PALS1: variants seen among roughly 807,000 people sequenced by gnomAD.
PALS1 encodes protein PALS1.
Under a neutral mutation model 78.9 loss-of-function variants are expected in PALS1, and 31 were observed. The observed-to-expected ratio is 0.39, with a 90% CI of 0.30 to 0.53. PALS1 has a LOEUF of 0.53. Among genes scored for constraint, PALS1 ranks in the 20% least tolerant of loss-of-function variants. The pLI is 0.67. For missense variants in PALS1, 704 were observed against 826.5 expected, an observed-to-expected ratio of 0.85 and a Z score of 1.82; for synonymous variants, 276 against 270.9, an observed-to-expected ratio of 1.02 and a Z score of -0.18.
chr14:67,262,840 T>C (rs2084260821), intron 1 of PALS1, among the ~76,000 whole-genome samples: 1 of 152,138 alleles, frequency 6.6e-6, no homozygotes, highest in Admixed American at 6.5e-5. Context: ...CCATATATAT[T>C]CTTCATTATT....
rs982256497 is a variant in PALS1, at chr14:67,246,274, G to C, written c.-237+4741G>C. Among the ~76,000 whole-genome samples, 113 of 151,566 alleles carry C rather than the reference G, an allele frequency of 7.5e-4. 3 individuals carry two copies. Among genetic ancestry groups the C allele is most frequent in the Non-Finnish European group, 1.6e-4 (11 of 67,912 alleles). ...CTCCCAAGTAGCTGGGACCACAGGCGTGCCACCGCACTTGGCTGATTTTTA... is the reference window on the plus strand; with the variant it reads ...CTCCCAAGTAGCTGGGACCACAGGCCTGCCACCGCACTTGGCTGATTTTTA... On this transcript the variant is annotated intron_variant, in intron 1 of 14. Transcript: ENST00000261681.
chr14:67,324,259 A>G (rs2085313366), intron 14 of PALS1, among the ~76,000 whole-genome samples: 1 of 152,120 alleles, frequency 6.6e-6, no homozygotes, highest in Non-Finnish European at 1.5e-5. Context: ...TTTTTAAATT[A>G]TTTTAGATCT....
intron 12 of PALS1, 79 bp downstream of exon 12, chr14:67,320,476 T>G (rs1445099275): frequency 7.6e-7 from 1 of 1,313,302 alleles, no homozygotes; most frequent in Admixed American, 2.7e-5. Flanking sequence ...GTAGGGAAAT[T>G]TTTTATTCAT....
At chr14:67,306,117 ATG>A (rs1555338361) in intron 8 of PALS1, among the ~76,000 whole-genome samples, 61 of 152,216 alleles carry the variant, frequency 4.0e-4, no homozygotes, top group Non-Finnish European at 1.5e-4. Context: ...CTACAAGTGC[ATG>A]CCACCACATC....
intron 1 of PALS1, among the ~76,000 whole-genome samples, chr14:67,265,856 C>CAA (rs748481179): frequency 1.9e-3 from 144 of 75,408 alleles, no homozygotes; most frequent in African/African-American, 6.7e-3. Flanking sequence ...GACTCCATCT[C>CAA]AAAAAAAAAA....
At chr14:67,262,967 AC>A (rs2084262321) in intron 1 of PALS1, among the ~76,000 whole-genome samples, 1 of 152,180 alleles carries the variant, frequency 6.6e-6, no homozygotes, top group African/African-American at 2.4e-5. Flanking sequence ...TTTAAAAAAA[AC>A]TTTGCTAGCC....
chr14:67,299,658 A>G (rs2084904963), intron 4 of PALS1, among the ~76,000 whole-genome samples: 1 of 152,232 alleles, frequency 6.6e-6, no homozygotes, highest in Non-Finnish European at 1.5e-5. Flanking sequence ...CCGTTGTAGA[A>G]GTAGCTGATG....
chr14:67,286,089 A>G (rs563381330), intron 3 of PALS1, among the ~76,000 whole-genome samples: 7 of 152,358 alleles, frequency 4.6e-5, no homozygotes, highest in African/African-American at 1.7e-4. Flanking sequence ...TAAACTAGAT[A>G]TAAAGAAATT....
intron 3 of PALS1, among the ~76,000 whole-genome samples, chr14:67,285,893 G>A (rs1447205293): frequency 6.6e-6 from 1 of 152,118 alleles, no homozygotes; most frequent in Non-Finnish European, 1.5e-5. Flanking sequence ...GTGTATGTTT[G>A]TATTCATCTG....
At chr14:67,325,316 T>C (rs545864424) in intron 14 of PALS1, among the ~76,000 whole-genome samples, 70 of 152,310 alleles carry the variant, frequency 4.6e-4, no homozygotes, top group African/African-American at 1.6e-3. Flanking sequence ...AATCTATATG[T>C]GAGGTTAAGA....
intron 9 of PALS1, among the ~76,000 whole-genome samples, chr14:67,316,460 T>C (rs896611633): frequency 1.3e-5 from 2 of 152,180 alleles, no homozygotes; most frequent in African/African-American, 4.8e-5. Flanking sequence ...GAAAAGTTAA[T>C]TCCTAGAATT....
intron 3 of PALS1, among the ~76,000 whole-genome samples, chr14:67,280,757 C>T (rs1478572126): frequency 6.6e-6 from 1 of 150,760 alleles, no homozygotes; most frequent in Non-Finnish European, 1.5e-5. Context: ...CAGATTTGTT[C>T]CTCATTAAGT....
intron 11 of PALS1, among the ~76,000 whole-genome samples, chr14:67,319,749 G>C (rs2085233896): frequency 6.6e-6 from 1 of 152,220 alleles, no homozygotes. Context: ...TGAACTATAG[G>C]AAAGTATTCC....
At chr14:67,277,221 A>G (rs541232552) in intron 2 of PALS1, among the ~76,000 whole-genome samples, 2 of 152,316 alleles carry the variant, frequency 1.3e-5, no homozygotes, top group East Asian at 3.8e-4. Flanking sequence ...AAGGCAGTCT[A>G]ATGGTAAATA....
intron 1 of PALS1, among the ~76,000 whole-genome samples, chr14:67,245,078 C>T (rs2083968003): frequency 6.6e-6 from 1 of 152,124 alleles, no homozygotes; most frequent in Admixed American, 6.5e-5. Context: ...TGAAGAGGCT[C>T]CAGAAAAGAA....
chr14:67,261,221 G>C (rs745337811), intron 1 of PALS1, among the ~76,000 whole-genome samples: 1 of 152,090 alleles, frequency 6.6e-6, no homozygotes, highest in South Asian at 2.1e-4. Flanking sequence ...GGAGTGCTTC[G>C]GAAAGTTAAT....
At position 67,257,096 on chromosome 14, in the gene PALS1, G is replaced by A. The variant is rs532992136; in HGVS notation, c.-236-12605G>A. ...CCGGTAAGACGGAACAACTTGAGGC[G>A]GGGGCTTTCAGTTGATAAGAGTTAG... On this transcript the variant is annotated intron_variant, in intron 1 of 14. Transcript: ENST00000261681. Among the ~76,000 whole-genome samples, 32 of 152,190 alleles carry A rather than the reference G, an allele frequency of 2.1e-4. No homozygotes were observed. The South Asian group carries it at 4.8e-3, about 23-fold the overall frequency.
At chr14:67,255,210 C>T (rs559793555) in intron 1 of PALS1, among the ~76,000 whole-genome samples, 1 of 151,726 alleles carries the variant, frequency 6.6e-6, no homozygotes, top group Non-Finnish European at 1.5e-5. Flanking sequence ...ACTTCAGACA[C>T]GTTTTTCAGG....
chr14:67,263,333 G>A (rs1424455042), intron 1 of PALS1, among the ~76,000 whole-genome samples: 1 of 152,162 alleles, frequency 6.6e-6, no homozygotes, highest in Non-Finnish European at 1.5e-5. Flanking sequence ...AAATGGTGAA[G>A]TATGCAGTCC....
Sources: gnomAD v4.1 joint callset for allele counts (sites outside exome capture counted in the v4.1 genomes callset) on GRCh38, gnomAD v4.1.1 for gene constraint, MANE v1.5 for transcripts, NCBI Gene and HGNC (gene_info 2026-07-23, HGNC 2026-07-21) for gene names.